Variants in LY6G6F observed in about 807,000 individuals in gnomAD.
The protein encoded by LY6G6F is lymphocyte antigen 6 complex locus protein G6f.
A neutral mutation model predicts 33.0 loss-of-function variants in LY6G6F; 26 were observed. The ratio of observed to expected loss-of-function variants is 0.79; its 90% CI spans 0.58 to 1.09. The LOEUF (loss-of-function observed/expected upper bound fraction) is 1.09. LY6G6F is among the 50% of genes least tolerant of loss of function. The pLI is 0.00. For missense variants in LY6G6F, 317 were observed against 372.0 expected, an observed-to-expected ratio of 0.85 and a Z score of 1.22; for synonymous variants, 132 against 148.1, an observed-to-expected ratio of 0.89 and a Z score of 0.79.
In LY6G6F at chr6:31,706,959, G is replaced by A. The variant is rs148918086; in HGVS notation, c.52+1G>A. The A allele has an allele frequency of 9.3e-6, 15 of 1,613,948 alleles. No homozygotes were observed. Among genetic ancestry groups the A allele is most frequent in the African/African-American group, 1.3e-5 (1 of 74,892 alleles). On this transcript the variant is annotated splice_donor_variant, in intron 1 of 5. Coordinates refer to ENST00000375832, the MANE Select transcript of LY6G6F (RefSeq NM_001003693.3). LOFTEE classifies it high-confidence loss of function. ...CTATGTGGAACTCCCCAGGCTGCAG[G>A]TAAGGGGCAAGAGGTACGGGATTCC...
In LY6G6F at chr6:31,710,288, G is replaced by A. The variant is rs550819228; in HGVS notation, c.803-64G>A. The A allele has an allele frequency of 2.0e-5, 33 of 1,613,030 alleles. 4 individuals are homozygous for A. The African/African-American group carries it at 3.9e-4, about 19-fold the overall frequency. On this transcript the variant is annotated intron_variant, in intron 4 of 5. Coordinates refer to ENST00000375832, the MANE Select transcript of LY6G6F (RefSeq NM_001003693.3). This position sits in a 1 kb window ranked among gnomAD's most constrained non-coding sequence, Gnocchi z 4.7. The stretch of plus-strand genomic sequence containing the variant: ...CCACCTCCTCTAGGGGAGGGGGCGA[G>A]GAACACGGCTCTAAGTTGTCTGCTG...
chr6:31,708,864 C>T (rs812561), intron 3 of LY6G6F, among the ~76,000 whole-genome samples: 36,504 of 151,670 alleles, frequency 0.24, 5,583 homozygotes, highest in Middle Eastern at 0.38. Context: ...AGGTGGAGGG[C>T]GCAGTGAGCC....
Position 31,707,865 on chromosome 6 carries a change from C to T in LY6G6F, c.383-6C>T. On this transcript the variant is annotated splice_region_variant and splice_polypyrimidine_tract_variant and intron_variant, in intron 2 of 5. Transcript: ENST00000375832. This position sits in a 1 kb window ranked among gnomAD's most constrained non-coding sequence, Gnocchi z 4.1. Reference sequence around the variant, plus strand: ...AAGAACTGAGGAATCCCTCTCTCCCCTACAGGATCCCAGTTATCTGCAAGG... The same window carrying T: ...AAGAACTGAGGAATCCCTCTCTCCCTTACAGGATCCCAGTTATCTGCAAGG... 1 of 1,612,438 alleles carries T rather than the reference C, an allele frequency of 6.2e-7. No homozygotes were observed. The highest frequency in any genetic ancestry group is 1.3e-5 in the African/African-American group (1 of 75,032).
Position 31,710,383 on chromosome 6 carries a change from C to G in LY6G6F, c.834C>G (p.Ile278Met). The G allele has an allele frequency of 6.2e-7, 1 of 1,614,158 alleles. No homozygotes were observed. The highest frequency in any genetic ancestry group is 8.5e-7 in the Non-Finnish European group (1 of 1,180,036). Residue 278 changes from isoleucine (I) to methionine (M), a missense_variant, in exon 5 of 6, where the codon ATC becomes ATG. By Grantham distance (10) the Ile-to-Met change is conservative (BLOSUM62 1). Transcript: ENST00000375832. This position sits in a 1 kb window ranked among gnomAD's most constrained non-coding sequence, Gnocchi z 4.7. ...CGATTCCTCAGTTCAAACCCGAAATCCAGGTCTATGAGAACATCCATTTGG... is the reference window on the plus strand; with the variant it reads ...CGATTCCTCAGTTCAAACCCGAAATGCAGGTCTATGAGAACATCCATTTGG... ...DASIPQFKPE[I>M]QVYENIHLAR...
At position 31,708,052 on chromosome 6, in the gene LY6G6F, G is replaced by A; in HGVS notation, c.564G>A (p.Gly188=). The A allele has an allele frequency of 6.2e-7, 1 of 1,610,618 alleles. No individual in the cohort carries two copies. Among genetic ancestry groups the A allele is most frequent in the Non-Finnish European group, 8.5e-7 (1 of 1,178,972 alleles). The change falls in exon 3 of 6, where the codon GGG becomes GGA. Residue 188 remains glycine (G), a synonymous_variant. Transcript: ENST00000375832. The stretch of plus-strand genomic sequence containing the variant: ...TGCTCTTGGTGTGTCCTGGGGAGGG[G>A]CTTTCTGAGCCCAGGAGCCGAAGAC... ...AALLLVCPGE[G]LSEPRSRRPR...
At position 31,710,198 on chromosome 6, in the gene LY6G6F, C is replaced by T. The variant is rs1805927988; in HGVS notation, c.802+17C>T. ...CAGGCAGAGGTGAGTCCCTCCCTCC[C>T]CGGGGAAAGAAGAGGGCACATGGGT... On this transcript the variant is annotated intron_variant, in intron 4 of 5. Transcript: ENST00000375832. The surrounding 1 kb of genome is among the most constrained non-coding windows in gnomAD (Gnocchi z 4.7). The T allele has an allele frequency of 1.9e-6, 3 of 1,608,500 alleles. No homozygotes were observed. Among genetic ancestry groups the T allele is most frequent in the Non-Finnish European group, 2.5e-6 (3 of 1,176,770 alleles).
In LY6G6F at chr6:31,710,381, AT is replaced by A. The variant is rs768836648; in HGVS notation, c.833del (p.Ile278ThrfsTer30). On this transcript the variant is annotated frameshift_variant, in exon 5 of 6. Coordinates refer to ENST00000375832, the MANE Select transcript of LY6G6F (RefSeq NM_001003693.3). LOFTEE classifies it high-confidence loss of function. This position sits in a 1 kb window ranked among gnomAD's most constrained non-coding sequence, Gnocchi z 4.7. ...DASIPQFKPE[I>X]QVYENIHLAR... ...CTCGATTCCTCAGTTCAAACCCGAA[AT>A]CCAGGTCTATGAGAACATCCATTTG... 1.1e-5 allele frequency: 18 copies of A among 1,613,942 alleles called. No individual in the cohort carries two copies. The highest frequency in any genetic ancestry group is 1.4e-5 in the Non-Finnish European group (17 of 1,180,016).
intron 3 of LY6G6F, among the ~76,000 whole-genome samples, chr6:31,708,955 C>T (rs1805815646): frequency 6.6e-6 from 1 of 150,734 alleles, no homozygotes; most frequent in African/African-American, 2.4e-5. Flanking sequence ...TTAGTAGAGA[C>T]GGGGTTTCAC....
Position 31,710,654 on chromosome 6 carries a change from A to T in LY6G6F, c.*63A>T. The T allele has an allele frequency of 6.2e-7, 1 of 1,605,660 alleles. No individual in the cohort carries two copies. Among genetic ancestry groups the T allele is most frequent in the Non-Finnish European group, 8.5e-7 (1 of 1,172,678 alleles). ...TCGCTGGCCATCTGGCACCTGGAAG[A>T]TTCCTCGACAACCTTAGCAAGGGGG... is the stretch of plus-strand genomic sequence containing the variant. On this transcript the variant is annotated 3_prime_UTR_variant, in exon 6 of 6. Coordinates refer to ENST00000375832, the MANE Select transcript of LY6G6F (RefSeq NM_001003693.3). The surrounding 1 kb of genome is among the most constrained non-coding windows in gnomAD (Gnocchi z 4.7).
intron 3 of LY6G6F, among the ~76,000 whole-genome samples, chr6:31,708,595 A>T (rs896742932): frequency 6.6e-6 from 1 of 152,198 alleles, no homozygotes; most frequent in African/African-American, 2.4e-5. Flanking sequence ...AGCAGGGGGC[A>T]TTGCCATTCT....
intron 3 of LY6G6F, 142 bp downstream of exon 3, chr6:31,708,276 G>T (rs1805771252): frequency 9.5e-7 from 1 of 1,052,100 alleles, no homozygotes. Flanking sequence ...GGCCAGGCTG[G>T]TATCAACCTC....
chr6:31,707,079 A>T lies in LY6G6F; in HGVS notation c.52+121A>T. ...CAAGAAGATAGAATTACCCCAACCA[A>T]CCTCCTCCTGCCTCTGACACTAGGG... On this transcript the variant is annotated intron_variant, in intron 1 of 5. Coordinates refer to ENST00000375832, the MANE Select transcript of LY6G6F (RefSeq NM_001003693.3). This position sits in a 1 kb window ranked among gnomAD's most constrained non-coding sequence, Gnocchi z 4.1. 1.9e-6 allele frequency: 2 copies of T among 1,044,838 alleles called. No individual in the cohort carries two copies. The highest frequency in any genetic ancestry group is 2.9e-6 in the Non-Finnish European group (2 of 683,090). The allele number at this position is 1,044,838 out of a possible 1,614,324, so 64.7% of individuals were successfully genotyped here.
rs1361677699 is a variant in LY6G6F at position 31,710,057 on chromosome 6, C to G, written c.678C>G (p.Ala226=). ...ASIDASPALC[A]PSTGWDMPWI... is the part of the protein sequence containing the mutation. ...TCGATGCTTCTCCTGCCCTCTGTGC[C>G]CCTTCCACGGGCTGGGACATGCCTT... The change falls in exon 4 of 6, where the codon GCC becomes GCG. Residue 226 remains alanine (A), a synonymous_variant. Transcript: ENST00000375832. This position sits in a 1 kb window ranked among gnomAD's most constrained non-coding sequence, Gnocchi z 4.7. The G allele has an allele frequency of 6.2e-7, 1 of 1,612,992 alleles. No individual in the cohort carries two copies. The highest frequency in any genetic ancestry group is 1.1e-5 in the South Asian group (1 of 91,080).
intron 3 of LY6G6F, among the ~76,000 whole-genome samples, chr6:31,709,136 G>A (rs1453986979): frequency 7.8e-6 from 1 of 129,002 alleles, no homozygotes; most frequent in Non-Finnish European, 1.6e-5. Context: ...GCAGTGGCAC[G>A]ATCTTGGCTC....
In LY6G6F at chr6:31,707,872, A is replaced by C; in HGVS notation, c.384A>C (p.Gly128=). Residue 128 remains glycine (G), a splice_region_variant and synonymous_variant, in exon 3 of 6, where the codon GGA becomes GGC. Transcript: ENST00000375832. This position sits in a 1 kb window ranked among gnomAD's most constrained non-coding sequence, Gnocchi z 4.1. ...GAGGAATCCCTCTCTCCCCTACAGG[A>C]TCCCAGTTATCTGCAAGGGCTGCAG... is the stretch of plus-strand genomic sequence containing the variant. The part of the protein sequence containing the change: ...WRVYDVLVLK[G]SQLSARAADG... 6.2e-7 allele frequency: 1 copy of C among 1,612,922 alleles called. No homozygotes were observed. Among genetic ancestry groups the C allele is most frequent in the Middle Eastern group, 1.7e-4 (1 of 6,054 alleles).
rs781243465 is a variant in LY6G6F at position 31,709,228 on chromosome 6, C to T, written c.647-798C>T. Among the ~76,000 whole-genome samples the T allele has an allele frequency of 5.8e-4, 87 of 150,632 alleles. 1 individual carries two copies. The highest frequency in any genetic ancestry group is 3.9e-4 in the East Asian group (2 of 5,110). ...GCTGGACTACAGGTGCCTGCCACCA[C>T]GCCTGGCTAACTTTTGTGTGTGTGT... On this transcript the variant is annotated intron_variant, in intron 3 of 5. Transcript: ENST00000375832.
At chr6:31,709,904 G>A (rs1805898204) in intron 3 of LY6G6F, 122 bp from the exon 4 acceptor site, 13 of 1,014,904 alleles carry the variant, frequency 1.3e-5, no homozygotes, top group Non-Finnish European at 1.7e-5. Flanking sequence ...GGGCAGGGAA[G>A]CTTACAAAGT....
At position 31,709,751 on chromosome 6, in the gene LY6G6F, G is replaced by C. The variant is rs557825803; in HGVS notation, c.647-275G>C. 6.6e-5 allele frequency among the ~76,000 whole-genome samples: 10 copies of C among 152,246 alleles called. No individual in the cohort carries two copies. In the East Asian group the frequency reaches 1.9e-3, roughly 29 times the overall value. ...TCATCATGTTGACCAGGCTGGTCTT[G>C]AACTCCTGACCTCAAGTGGTCTGCT... is the stretch of plus-strand genomic sequence containing the variant. On this transcript the variant is annotated intron_variant, in intron 3 of 5. Transcript: ENST00000375832.
Position 31,710,137 on chromosome 6 carries a change from G to A in LY6G6F, c.758G>A (p.Ser253Asn), listed in dbSNP as rs1267144454. The change falls in exon 4 of 6, where the codon AGC becomes AAC. Residue 253 changes from serine (S) to asparagine (N), a missense_variant. Coordinates refer to ENST00000375832, the MANE Select transcript of LY6G6F (RefSeq NM_001003693.3). This position sits in a 1 kb window ranked among gnomAD's most constrained non-coding sequence, Gnocchi z 4.7. ...MGQGVVILAL[S>N]IVLWRQRVRG... Reference sequence around the variant, plus strand: ...CAGGGAGTTGTCATCCTGGCCCTCAGCATCGTGCTCTGGAGGCAGAGGGTC... The same window carrying A: ...CAGGGAGTTGTCATCCTGGCCCTCAACATCGTGCTCTGGAGGCAGAGGGTC... 1 of 1,613,034 alleles carries A rather than the reference G, an allele frequency of 6.2e-7. No homozygotes were observed. Among genetic ancestry groups the A allele is most frequent in the East Asian group, 2.2e-5 (1 of 44,880 alleles).
Sources: gnomAD v4.1 joint callset for allele counts (sites outside exome capture counted in the v4.1 genomes callset) on GRCh38, gnomAD v4.1.1 for gene constraint, Gnocchi (gnomAD v3.1) non-coding constraint, MANE v1.5 for transcripts, NCBI Gene and HGNC (gene_info 2026-07-23, HGNC 2026-07-21) for gene names.